DEK: variants seen among roughly 807,000 people sequenced by gnomAD.
DEK encodes protein DEK.
Under a neutral mutation model 46.8 loss-of-function variants are expected in DEK, and 28 were observed. That is an observed-to-expected ratio of 0.60 (90% confidence interval 0.44 to 0.82). The LOEUF (loss-of-function observed/expected upper bound fraction) is 0.82, where lower values mean the gene tolerates loss of function less well. Among genes scored for constraint, DEK ranks in the 40% least tolerant of loss-of-function variants. The pLI is 0.00. For synonymous variants in DEK, 160 were observed against 144.5 expected (o/e 1.11, Z -0.77); for missense variants, 416 against 430.6 (o/e 0.97, Z 0.30).
chr6:18,246,261 C>A (rs1185093555), intron 7 of DEK, among the ~76,000 whole-genome samples: 1 of 152,214 alleles, frequency 6.6e-6, no homozygotes, highest in East Asian at 1.9e-4. Context: ...CCACCACTTC[C>A]TTCCCAATTG....
chr6:18,225,680 C>T lies in DEK; in HGVS notation c.*39G>A, dbSNP rs1790084924. ...GGTATAATGGTATAAATCAGATCTT[C>T]AAATCTATGGGAACGAGTCATCTTC... On this transcript the variant is annotated 3_prime_UTR_variant, in exon 11 of 11. Coordinates refer to ENST00000652689, the MANE Select transcript of DEK (RefSeq NM_003472.4). 1.2e-6 allele frequency: 2 copies of T among 1,606,860 alleles called. No individual in the cohort carries two copies. Among genetic ancestry groups the T allele is most frequent in the Non-Finnish European group, 1.7e-6 (2 of 1,175,630 alleles).
chr6:18,258,218 C>T (rs1791686375), intron 3 of DEK, 86 bp downstream of exon 3: 1 of 1,222,386 alleles, frequency 8.2e-7, no homozygotes, highest in Admixed American at 2.1e-5. Flanking sequence ...TAAAACACTA[C>T]CTTGCTGATA....
chr6:18,252,606 A>G (rs150812454), intron 6 of DEK, among the ~76,000 whole-genome samples: 1 of 151,978 alleles, frequency 6.6e-6, no homozygotes, highest in Admixed American at 6.6e-5. Context: ...AAAAACTGAC[A>G]TAAGAGTTAA....
intron 6 of DEK, 97 bp downstream of exon 6, chr6:18,255,634 C>A: frequency 7.2e-7 from 1 of 1,388,292 alleles, no homozygotes. Context: ...TAGATATGAA[C>A]GAATACTGAC....
At chr6:18,255,580 G>T in intron 6 of DEK, 151 bp downstream of exon 6, 2 of 911,124 alleles carry the variant, frequency 2.2e-6, no homozygotes, top group East Asian at 2.8e-5. Context: ...TTTCTATCAG[G>T]AAATTACTGC....
intron 9 of DEK, among the ~76,000 whole-genome samples, chr6:18,228,408 C>T (rs937602731): frequency 2.6e-5 from 4 of 151,814 alleles, no homozygotes; most frequent in Non-Finnish European, 5.9e-5. Context: ...CCAAGATGGC[C>T]GAATAGGAAC....
intron 6 of DEK, among the ~76,000 whole-genome samples, chr6:18,251,293 A>T (rs1183038429): frequency 5.3e-5 from 8 of 152,176 alleles, no homozygotes; most frequent in Non-Finnish European, 1.2e-4. Context: ...CAATTGTGTA[A>T]ATGTTTGTGA....
chr6:18,231,517 A>G (rs946506867), intron 9 of DEK, among the ~76,000 whole-genome samples: 2 of 152,218 alleles, frequency 1.3e-5, no homozygotes, highest in African/African-American at 2.4e-5. Context: ...GACGAAATAA[A>G]AAATGATAAA....
At chr6:18,256,331 C>A (rs1480063958) in intron 5 of DEK, 30 bp downstream of exon 5, 3 of 1,556,498 alleles carry the variant, frequency 1.9e-6, no homozygotes, top group South Asian at 2.3e-5. Context: ...GCATATTGAT[C>A]AAAATACAGT....
In DEK at chr6:18,248,689, A is replaced by G. The variant is rs182201180; in HGVS notation, c.762+962T>C. On this transcript the variant is annotated intron_variant, in intron 7 of 10. Coordinates refer to ENST00000652689, the MANE Select transcript of DEK (RefSeq NM_003472.4). ...ACAAACATACATACTAAACACCCAC[A>G]CATATCATATAATACCAGAGTTCAC... is the stretch of plus-strand genomic sequence containing the variant. Among the ~76,000 whole-genome samples, 29 of 152,290 alleles carry G rather than the reference A, an allele frequency of 1.9e-4. 1 individual carries two copies. In the East Asian group the frequency reaches 5.6e-3, roughly 29 times the overall value.
intron 6 of DEK, among the ~76,000 whole-genome samples, chr6:18,251,165 A>C (rs1791359612): frequency 6.6e-6 from 1 of 152,170 alleles, no homozygotes; most frequent in South Asian, 2.1e-4. Context: ...TACAGAATTA[A>C]TATTTATTTC....
intron 7 of DEK, among the ~76,000 whole-genome samples, chr6:18,249,226 A>AG (rs1005849607): frequency 1.7e-4 from 26 of 152,222 alleles, no homozygotes; most frequent in Admixed American, 5.9e-4. Context: ...CTAAAGGTTG[A>AG]GGGGGGGAAA....
chr6:18,226,423 G>A (rs573510874), intron 9 of DEK, among the ~76,000 whole-genome samples, 181 bp from the exon 10 acceptor site: 2 of 152,312 alleles, frequency 1.3e-5, no homozygotes, highest in African/African-American at 4.8e-5. Flanking sequence ...TGTATATGAT[G>A]TGGAAAACTA....
rs770484431 is a variant in DEK, at chr6:18,264,007, G to A, written c.-9-11C>T. Reference sequence around the variant, plus strand: ...GGACATGCTGTGAACCTGCATGCGGGAAGAAAGCCGGACGTCTCGGTCCTC... The same window carrying A: ...GGACATGCTGTGAACCTGCATGCGGAAAGAAAGCCGGACGTCTCGGTCCTC... On this transcript the variant is annotated splice_polypyrimidine_tract_variant and intron_variant, in intron 1 of 10. Transcript: ENST00000652689. 2.1e-5 allele frequency: 33 copies of A among 1,589,426 alleles called. No homozygotes were observed. Among genetic ancestry groups the A allele is most frequent in the South Asian group, 4.5e-5 (4 of 89,204 alleles).
At position 18,257,954 on chromosome 6, in the gene DEK, G is replaced by A. The variant is rs754580267; in HGVS notation, c.356C>T (p.Thr119Ile). Reference sequence around the variant, plus strand: ...GTTTAAAGTGTAAAAAGGTCTTACAGTGCCTGGCCTGTTGTAAAGCAGTTT... The same window carrying A: ...GTTTAAAGTGTAAAAAGGTCTTACAATGCCTGGCCTGTTGTAAAGCAGTTT... ...LHKLLYNRPG[T>I]VSSLKKNVGQ... Residue 119 changes from threonine to isoleucine, a missense_variant and splice_region_variant, in exon 4 of 11, where the codon ACT (threonine) becomes ATT (isoleucine). Thr to Ile is a moderately conservative substitution (Grantham distance 89, BLOSUM62 -1). Transcript: ENST00000652689. 3 of 1,597,720 alleles carry A rather than the reference G, an allele frequency of 1.9e-6. No homozygotes were observed. The East Asian group carries it at 6.7e-5, about 36-fold the overall frequency.
At chr6:18,257,025 C>T (rs1292487993) in intron 4 of DEK, among the ~76,000 whole-genome samples, 4 of 152,152 alleles carry the variant, frequency 2.6e-5, no homozygotes, top group Non-Finnish European at 4.4e-5. Context: ...CATTCTAACA[C>T]CCAACTTTAC....
chr6:18,244,377 T>G, intron 7 of DEK: 1 of 372,732 alleles, frequency 2.7e-6, no homozygotes, highest in South Asian at 2.3e-5. Flanking sequence ...AAAGGATCAG[T>G]AATACAGAAG....
Position 18,226,158 on chromosome 6 carries a change from A to G in DEK, c.1116+16T>C. 1 of 1,301,148 alleles carries G rather than the reference A, an allele frequency of 7.7e-7. No homozygotes were observed. Among genetic ancestry groups the G allele is most frequent in the Non-Finnish European group, 1.0e-6 (1 of 979,244 alleles). 80.6% of individuals were successfully genotyped at this position (1,301,148 alleles called of 1,614,324 possible). ...TTATATTTCTAAAGTCAAACTTGAA[A>G]GACTGAAATATTTACCTCTTTTACA... On this transcript the variant is annotated intron_variant, in intron 10 of 10. Coordinates refer to ENST00000652689, the MANE Select transcript of DEK (RefSeq NM_003472.4).
At chr6:18,258,205 G>A in intron 3 of DEK, 99 bp downstream of exon 3, 2 of 1,161,792 alleles carry the variant, frequency 1.7e-6, no homozygotes, top group Non-Finnish European at 2.5e-6. Context: ...TATACCAAAA[G>A]TATAAAACAC....
Sources: allele counts gnomAD v4.1 joint callset (sites outside exome capture counted in the v4.1 genomes callset), GRCh38; gene constraint gnomAD v4.1.1; transcripts MANE v1.5; gene names NCBI Gene and HGNC (gene_info 2026-07-23, HGNC 2026-07-21).